CRB1: variants seen among roughly 807,000 people sequenced by gnomAD.
CRB1 encodes crumbs cell polarity complex component 1.
Under a neutral mutation model 120.0 loss-of-function variants are expected in CRB1, and 83 were observed. The ratio of observed to expected loss-of-function variants is 0.69; its 90% CI spans 0.58 to 0.83. The LOEUF is 0.83. Among genes scored for constraint, CRB1 ranks in the 40% least tolerant of loss-of-function variants. CRB1 has a pLI of 0.00. For missense variants in CRB1, 1,699 were observed against 1,687.6 expected, an observed-to-expected ratio of 1.01 and a Z score of -0.12; for synonymous variants, 625 against 612.5, an observed-to-expected ratio of 1.02 and a Z score of -0.30.
rs1558127009 is a variant in CRB1, at chr1:197,421,783, A to C, written c.1955A>C (p.His652Pro). The C allele has an allele frequency of 1.9e-6, 3 of 1,614,240 alleles. No homozygotes were observed. The highest frequency in any genetic ancestry group is 2.5e-6 in the Non-Finnish European group (3 of 1,180,034). ...CLQDIKIDWN[H>P]ITLENISSGS... ...CAAGACATTAAAATTGATTGGAATC[A>C]CATTACCCTGGAGAACATCTCGTCT... Residue 652 changes from histidine to proline, a missense_variant, in exon 6 of 12, where the codon CAC becomes CCC. Physicochemically the swap from His to Pro is moderately conservative, Grantham distance 77. Transcript: ENST00000367400.
At chr1:197,408,599 G>A (rs1663539474) in intron 5 of CRB1, among the ~76,000 whole-genome samples, 1 of 152,156 alleles carries the variant, frequency 6.6e-6, no homozygotes, top group Non-Finnish European at 1.5e-5. Context: ...TGTAAAGCCA[G>A]TTCTTACCAT....
intron 5 of CRB1, among the ~76,000 whole-genome samples, chr1:197,393,482 A>G (rs979784160): frequency 8.6e-5 from 13 of 152,012 alleles, no homozygotes; most frequent in African/African-American, 3.1e-4. Flanking sequence ...ATCTAGATGA[A>G]TATGCCAGGC....
chr1:197,260,547 C>A, the CRB1 span, among the ~76,000 whole-genome samples: 5 of 151,636 alleles, frequency 3.3e-5, no homozygotes, highest in African/African-American at 1.2e-4. Context: ...ACACAAAAAT[C>A]AAAAGTCATA....
At chr1:197,398,537 A>T (rs956265607) in intron 5 of CRB1, among the ~76,000 whole-genome samples, 3 of 152,212 alleles carry the variant, frequency 2.0e-5, no homozygotes, top group Non-Finnish European at 2.9e-5. Context: ...TGTAGAAGAA[A>T]GAATCAGTAG....
chr1:197,464,707 A>G (rs1460921699), intron 11 of CRB1, among the ~76,000 whole-genome samples: 1 of 152,192 alleles, frequency 6.6e-6, no homozygotes, highest in Admixed American at 6.6e-5. Flanking sequence ...TAAATAATTC[A>G]TGTCAGTATG....
intron 1 of CRB1, among the ~76,000 whole-genome samples, chr1:197,321,478 T>G (rs192075133): frequency 1.5e-4 from 23 of 152,302 alleles, no homozygotes; most frequent in Middle Eastern, 3.4e-3. Flanking sequence ...TGTTCAAGCA[T>G]AGTGAGCCAT....
chr1:197,466,189 T>C (rs1287756606), intron 11 of CRB1, among the ~76,000 whole-genome samples: 1 of 152,184 alleles, frequency 6.6e-6, no homozygotes, highest in African/African-American at 2.4e-5. Flanking sequence ...CCCTATTTGA[T>C]TAATCAACAC....
chr1:197,254,860 C>G, the CRB1 span, among the ~76,000 whole-genome samples: 1 of 151,972 alleles, frequency 6.6e-6, no homozygotes, highest in African/African-American at 2.4e-5. Flanking sequence ...GTTTGCAAAC[C>G]TCAGTAACAC....
At chr1:197,205,151 G>T in the CRB1 span, among the ~76,000 whole-genome samples, 139 of 152,186 alleles carry the variant, frequency 9.1e-4, no homozygotes, top group African/African-American at 3.3e-3. Context: ...TCAATTCTAG[G>T]AGCTTTTTGG....
intron 3 of CRB1, among the ~76,000 whole-genome samples, chr1:197,345,592 T>C (rs1375345926): frequency 1.5e-5 from 2 of 135,084 alleles, no homozygotes; most frequent in Admixed American, 8.4e-5. Context: ...CACCGCAACC[T>C]CCGCCTTCCG....
chr1:197,476,677 T>C, intron 11 of CRB1, among the ~76,000 whole-genome samples: 1 of 152,240 alleles, frequency 6.6e-6, no homozygotes, highest in East Asian at 1.9e-4. Context: ...AGAAAAGATA[T>C]TTAAACTCTC....
chr1:197,463,328 C>T (rs1463551196), intron 11 of CRB1, among the ~76,000 whole-genome samples: 1 of 152,128 alleles, frequency 6.6e-6, no homozygotes, highest in East Asian at 1.9e-4. Flanking sequence ...CATCAGCCTA[C>T]TTTATTGTAG....
chr1:197,428,310 A>C (rs1664702502), intron 7 of CRB1, among the ~76,000 whole-genome samples: 1 of 152,164 alleles, frequency 6.6e-6, no homozygotes, highest in Admixed American at 6.6e-5. Flanking sequence ...CTAAACTCCT[A>C]ATGGCACACC....
intron 5 of CRB1, among the ~76,000 whole-genome samples, chr1:197,377,842 C>T (rs2125394428): frequency 6.6e-6 from 1 of 151,990 alleles, no homozygotes; most frequent in African/African-American, 2.4e-5. Context: ...CATGACAAAC[C>T]TATAGGGGTC....
At chr1:197,467,836 T>C (rs1666815722) in intron 11 of CRB1, among the ~76,000 whole-genome samples, 1 of 152,182 alleles carries the variant, frequency 6.6e-6, no homozygotes. Flanking sequence ...ATAAGTGGTA[T>C]AAGTCATCAG....
intron 5 of CRB1, among the ~76,000 whole-genome samples, chr1:197,369,694 T>G (rs1273168078): frequency 6.6e-6 from 1 of 152,178 alleles, no homozygotes; most frequent in Non-Finnish European, 1.5e-5. Context: ...AGCGTCCCAG[T>G]TCATCATTTC....
chr1:197,287,044 CTT>C lies in CRB1; in HGVS notation c.70+18563_70+18564del, dbSNP rs774717630. On this transcript the variant is annotated intron_variant, in intron 1 of 11. Coordinates refer to ENST00000367400, the MANE Select transcript of CRB1 (RefSeq NM_201253.3). ...TCATTTAATGCACAATTCTTATACA[CTT>C]ATAAAATTTCAAAAATTCATATTTG... Among the ~76,000 whole-genome samples the C allele has an allele frequency of 7.2e-5, 11 of 151,882 alleles. No individual in the cohort carries two copies. The East Asian group carries it at 9.7e-4, about 13-fold the overall frequency.
chr1:197,441,461 A>C (rs1665429565), intron 10 of CRB1: 1 of 152,156 alleles, frequency 6.6e-6, no homozygotes. Context: ...TTGTCTTGGA[A>C]AATTTGGCTT....
At chr1:197,442,441 TGAAAAAAAAAGCCATTGAATTTCAA>T in intron 11 of CRB1, 149 bp downstream of exon 11, 2 of 1,559,854 alleles carry the variant, frequency 1.3e-6, no homozygotes, top group Non-Finnish European at 8.6e-7. Flanking sequence ...CATTCCCAAA[TGAAAAAAAAAGCCATTGAATTTCAA>T]GAAATGCCTT....
Sources: gnomAD v4.1 joint callset for allele counts (sites outside exome capture counted in the v4.1 genomes callset) on GRCh38, gnomAD v4.1.1 for gene constraint, MANE v1.5 for transcripts, NCBI Gene and HGNC (gene_info 2026-07-23, HGNC 2026-07-21) for gene names.